FBXL17: variants seen among roughly 807,000 people sequenced by gnomAD.
FBXL17 encodes F-box/LRR-repeat protein 17.
A neutral mutation model predicts 66.2 loss-of-function variants in FBXL17; 22 were observed. The ratio of observed to expected loss-of-function variants is 0.33; its 90% CI spans 0.24 to 0.47. The LOEUF is 0.47. Ranked by LOEUF, FBXL17 falls within the 20% of genes least tolerant of loss-of-function variation. FBXL17 has a pLI of 1.00. For synonymous variants in FBXL17, 474 were observed against 400.5 expected, an observed-to-expected ratio of 1.18 and a Z score of -2.19; for missense variants, 878 against 948.2, an observed-to-expected ratio of 0.93 and a Z score of 0.97.
At chr5:107,981,998 G>C (rs1323064322) in intron 7 of FBXL17, among the ~76,000 whole-genome samples, 1 of 152,128 alleles carries the variant, frequency 6.6e-6, no homozygotes, top group Non-Finnish European at 1.5e-5. Context: ...ATGATTGCTA[G>C]TTCACTGTGC....
chr5:108,348,813 T>C lies in FBXL17; in HGVS notation c.1375-283A>G, dbSNP rs1213485774. Among the ~76,000 whole-genome samples, 7 of 152,298 alleles carry C rather than the reference T, an allele frequency of 4.6e-5. No individual in the cohort carries two copies. In the East Asian group the frequency reaches 9.6e-4, roughly 21 times the overall value. On this transcript the variant is annotated intron_variant, in intron 3 of 8. Coordinates refer to ENST00000542267, the MANE Select transcript of FBXL17 (RefSeq NM_001163315.3). ...ATTACATATCTATTACTCCAGTATA[T>C]ATATTTTTAAAGACAGGGTCTCACT... is the stretch of plus-strand genomic sequence containing the variant.
At chr5:108,310,233 G>A (rs532978925) in intron 4 of FBXL17, among the ~76,000 whole-genome samples, 60 of 152,148 alleles carry the variant, frequency 3.9e-4, no homozygotes, top group African/African-American at 1.0e-3. Flanking sequence ...GTGGACTTCC[G>A]TCTTCAATAT....
intron 7 of FBXL17, among the ~76,000 whole-genome samples, chr5:107,978,583 AC>A (rs1172798713): frequency 6.6e-6 from 1 of 152,118 alleles, no homozygotes; most frequent in East Asian, 1.9e-4. Context: ...GACTGATTCT[AC>A]CTGGACCTAC....
At chr5:107,894,008 T>C (rs1749291809) in intron 7 of FBXL17, among the ~76,000 whole-genome samples, 1 of 152,148 alleles carries the variant, frequency 6.6e-6, no homozygotes, top group Non-Finnish European at 1.5e-5. Context: ...GCAAATAGAG[T>C]AAATTAGATT....
chr5:108,193,287 G>A (rs1753544706), intron 5 of FBXL17, among the ~76,000 whole-genome samples: 2 of 152,170 alleles, frequency 1.3e-5, no homozygotes, highest in South Asian at 2.1e-4. Flanking sequence ...AAAGGCAGAG[G>A]AAGAGAGAAG....
chr5:108,285,354 G>A (rs190613535), intron 4 of FBXL17, among the ~76,000 whole-genome samples: 175 of 151,982 alleles, frequency 1.2e-3, no homozygotes, highest in Non-Finnish European at 1.9e-3. Context: ...ATCTAGAATG[G>A]TGAATCCTTT....
chr5:107,978,163 T>G (rs535381267), intron 7 of FBXL17, among the ~76,000 whole-genome samples: 33 of 152,224 alleles, frequency 2.2e-4, no homozygotes, highest in Admixed American at 1.3e-3. Context: ...TTGCAAAGAT[T>G]ATGACAGTGA....
intron 7 of FBXL17, among the ~76,000 whole-genome samples, chr5:107,932,799 A>G (rs1750775776): frequency 6.6e-6 from 1 of 152,184 alleles, no homozygotes; most frequent in African/African-American, 2.4e-5. Flanking sequence ...TCTAAAACAG[A>G]TTTTAGAATC....
At chr5:108,230,179 A>G (rs1755266737) in intron 4 of FBXL17, among the ~76,000 whole-genome samples, 1 of 152,228 alleles carries the variant, frequency 6.6e-6, no homozygotes, top group Non-Finnish European at 1.5e-5. Flanking sequence ...TTAAAGAAAT[A>G]AAAGCAGAAT....
intron 7 of FBXL17, among the ~76,000 whole-genome samples, chr5:107,913,008 T>C (rs1750002814): frequency 6.6e-6 from 1 of 152,012 alleles, no homozygotes; most frequent in African/African-American, 2.4e-5. Flanking sequence ...TTAACTAGGG[T>C]GGGAAATAGC....
intron 1 of FBXL17, among the ~76,000 whole-genome samples, chr5:108,374,081 C>A (rs573046817): frequency 1.1e-4 from 16 of 152,116 alleles, no homozygotes; most frequent in South Asian, 6.2e-4. Flanking sequence ...AGGAAAAAAA[C>A]CAAAAAGAGT....
intron 7 of FBXL17, among the ~76,000 whole-genome samples, chr5:107,900,439 T>C (rs1213517378): frequency 6.6e-6 from 1 of 152,174 alleles, no homozygotes; most frequent in Non-Finnish European, 1.5e-5. Flanking sequence ...AAACAAACTA[T>C]TAGTTTAAGA....
rs566041834 is a variant in FBXL17, at chr5:108,117,181, C to T, written c.1745+68936G>A. Among the ~76,000 whole-genome samples, 11 of 152,220 alleles carry T rather than the reference C, an allele frequency of 7.2e-5. 1 individual carries two copies. In the South Asian group the frequency reaches 1.7e-3, roughly 23 times the overall value. On this transcript the variant is annotated intron_variant, in intron 6 of 8. Coordinates refer to ENST00000542267, the MANE Select transcript of FBXL17 (RefSeq NM_001163315.3). ...TTAAAAACTGATTGACTAATGCATA[C>T]ATTTGGCTTTCATGTGAAAGTGGTG...
At chr5:108,090,603 T>C (rs1047616107) in intron 6 of FBXL17, among the ~76,000 whole-genome samples, 1 of 152,212 alleles carries the variant, frequency 6.6e-6, no homozygotes, top group African/African-American at 2.4e-5. Context: ...TGAATGAACA[T>C]GGGTGTGTTC....
intron 6 of FBXL17, among the ~76,000 whole-genome samples, chr5:108,116,265 A>G (rs1750243572): frequency 6.6e-6 from 1 of 152,156 alleles, no homozygotes; most frequent in East Asian, 1.9e-4. Flanking sequence ...CAGATGGAGA[A>G]TCAAGTTAGG....
At chr5:108,016,742 T>C (rs183991626) in intron 7 of FBXL17, among the ~76,000 whole-genome samples, 1 of 152,108 alleles carries the variant, frequency 6.6e-6, no homozygotes, top group Admixed American at 6.6e-5. Flanking sequence ...GGACACACTT[T>C]CCTGAAGGAA....
chr5:108,126,887 G>A (rs112646095), intron 6 of FBXL17, among the ~76,000 whole-genome samples: 18 of 151,666 alleles, frequency 1.2e-4, no homozygotes, highest in African/African-American at 2.4e-4. Context: ...AGAAAATATC[G>A]TGTCAACTAA....
intron 4 of FBXL17, among the ~76,000 whole-genome samples, chr5:108,258,226 C>T (rs770350891): frequency 3.3e-5 from 5 of 152,142 alleles, no homozygotes; most frequent in Non-Finnish European, 7.4e-5. Flanking sequence ...TATGTGATGA[C>T]ATAGCAAGAA....
intron 6 of FBXL17, among the ~76,000 whole-genome samples, chr5:108,097,103 C>T (rs1749397601): frequency 6.6e-6 from 1 of 152,218 alleles, no homozygotes; most frequent in Admixed American, 6.5e-5. Flanking sequence ...GGCAGTTTCT[C>T]CCATGCTGTT....
Sources: allele counts gnomAD v4.1 joint callset (sites outside exome capture counted in the v4.1 genomes callset), GRCh38; gene constraint gnomAD v4.1.1; transcripts MANE v1.5; gene names NCBI Gene and HGNC (gene_info 2026-07-23, HGNC 2026-07-21).